PCDH11Y: variants seen among roughly 807,000 people sequenced by gnomAD.
The protein encoded by PCDH11Y is protocadherin 11 Y-linked.
For missense variants in PCDH11Y, 12 were observed against 224.8 expected (o/e 0.05, Z 6.05); for synonymous variants, 9 against 83.6 (o/e 0.11, Z 4.87).
At chrY:5,249,308 CA>C in intron 2 of PCDH11Y, among the ~76,000 whole-genome samples, 1 of 31,656 alleles carries the variant, frequency 3.2e-5, no homozygotes, top group African/African-American at 1.2e-4. Context: ...AAACAAAAAA[CA>C]AAAAAAACAA....
intron 2 of PCDH11Y, among the ~76,000 whole-genome samples, chrY:5,236,499 A>G: frequency 1.2e-4 from 4 of 32,318 alleles, no homozygotes; most frequent in Non-Finnish European, 2.3e-4. Flanking sequence ...AGTTTTTTAT[A>G]TATTTTTAAT....
At chrY:5,148,192 G>GT (rs2052860022) in intron 2 of PCDH11Y, among the ~76,000 whole-genome samples, 1 of 33,145 alleles carries the variant, frequency 3.0e-5, no homozygotes, top group Non-Finnish European at 7.5e-5. Flanking sequence ...TACTGGCTTC[G>GT]TTTTTTGTGG....
At chrY:5,512,883 G>T (rs2053367469) in intron 3 of PCDH11Y, among the ~76,000 whole-genome samples, 1 of 33,264 alleles carries the variant, frequency 3.0e-5, no homozygotes, top group Admixed American at 2.7e-4. Flanking sequence ...ATAGTAAAGT[G>T]CAGAAAAGCA....
chrY:5,280,552 C>A, intron 2 of PCDH11Y, among the ~76,000 whole-genome samples: 1 of 31,195 alleles, frequency 3.2e-5, no homozygotes, highest in Admixed American at 3.0e-4. Context: ...GATTTCATGT[C>A]TTTGCTATTG....
intron 2 of PCDH11Y, among the ~76,000 whole-genome samples, chrY:5,436,172 T>C: frequency 6.0e-5 from 2 of 33,382 alleles, no homozygotes. Context: ...TTAATGTCTG[T>C]CTAACTTTCT....
chrY:5,280,964 G>GT (rs2053053181), intron 2 of PCDH11Y, among the ~76,000 whole-genome samples: 4 of 31,081 alleles, frequency 1.3e-4, no homozygotes, highest in Admixed American at 3.0e-4. Flanking sequence ...TGTTTGTGTG[G>GT]TTTTTTTTTG....
chrY:5,138,320 A>T (rs2052843487), intron 2 of PCDH11Y, among the ~76,000 whole-genome samples: 1 of 32,958 alleles, frequency 3.0e-5, no homozygotes, highest in Non-Finnish European at 7.5e-5. Context: ...GAGCACAAAT[A>T]GATGATCTAA....
intron 2 of PCDH11Y, among the ~76,000 whole-genome samples, chrY:5,130,661 C>T (rs2052832653): frequency 3.1e-5 from 1 of 32,416 alleles, no homozygotes; most frequent in Admixed American, 2.8e-4. Flanking sequence ...GCAGGTGGAT[C>T]AACTGAGGTC....
At chrY:5,705,605 C>CT (rs2053582365) in intron 4 of PCDH11Y, among the ~76,000 whole-genome samples, 2 of 27,306 alleles carry the variant, frequency 7.3e-5, no homozygotes, top group Non-Finnish European at 1.7e-4. Context: ...TTTAATGATA[C>CT]TTTCTTAGAA....
intron 2 of PCDH11Y, among the ~76,000 whole-genome samples, chrY:5,233,530 A>G (rs2124654058): frequency 3.0e-5 from 1 of 33,796 alleles, no homozygotes; most frequent in East Asian, 7.8e-4. Flanking sequence ...AACTCAAAAT[A>G]AAATGAGCAA....
chrY:5,309,270 T>C, intron 2 of PCDH11Y, among the ~76,000 whole-genome samples: 1 of 33,300 alleles, frequency 3.0e-5, no homozygotes, highest in Non-Finnish European at 7.4e-5. Context: ...ACTACCAGTG[T>C]TAGACTACCT....
At chrY:5,032,827 G>T in intron 3 of PCDH11Y, 1 of 195,162 alleles carries the variant, frequency 5.1e-6, no homozygotes, top group Non-Finnish European at 8.2e-6. Flanking sequence ...CATGTTTGAG[G>T]CTTTCATTTT....
chrY:5,240,364 G>A (rs2052986740), intron 2 of PCDH11Y, among the ~76,000 whole-genome samples: 1 of 32,749 alleles, frequency 3.1e-5, no homozygotes, highest in African/African-American at 1.2e-4. Context: ...TTGATATTTT[G>A]ACCTCCTCCC....
At chrY:5,166,201 A>T in intron 2 of PCDH11Y, among the ~76,000 whole-genome samples, 1 of 32,676 alleles carries the variant, frequency 3.1e-5, no homozygotes, top group Non-Finnish European at 7.6e-5. Context: ...AGTTCCTTCT[A>T]TCAGGCCAGC....
At chrY:5,359,037 C>T (rs981751398) in intron 2 of PCDH11Y, among the ~76,000 whole-genome samples, 1 of 2,952 alleles carries the variant, frequency 3.4e-4, no homozygotes, top group African/African-American at 2.8e-3. Flanking sequence ...ATATGTTTTA[C>T]AAAACAAGCA....
intron 2 of PCDH11Y, among the ~76,000 whole-genome samples, chrY:5,170,122 G>A (rs2052885127): frequency 3.1e-5 from 1 of 31,888 alleles, no homozygotes; most frequent in African/African-American, 1.2e-4. Flanking sequence ...TACTAGGAAG[G>A]ATTTGTGATA....
intron 4 of PCDH11Y, among the ~76,000 whole-genome samples, chrY:5,698,745 T>C: frequency 2.7e-4 from 9 of 33,168 alleles, no homozygotes; most frequent in African/African-American, 1.1e-3. Flanking sequence ...CTTCTTTGCA[T>C]TGGGTTGGAA....
At chrY:5,554,449 A>G in intron 3 of PCDH11Y, among the ~76,000 whole-genome samples, 1 of 34,181 alleles carries the variant, frequency 2.9e-5, no homozygotes, top group African/African-American at 1.1e-4. Context: ...CCAAATGTTA[A>G]TCACCAAGAC....
chrY:5,616,230 T>C, intron 4 of PCDH11Y, among the ~76,000 whole-genome samples: 2 of 33,519 alleles, frequency 6.0e-5, no homozygotes, highest in Non-Finnish European at 1.5e-4. Flanking sequence ...ATAGTTAAAG[T>C]GGTAAAGCAG....
Sources: gnomAD v4.1 joint callset for allele counts (sites outside exome capture counted in the v4.1 genomes callset) on GRCh38, gnomAD v4.1.1 for gene constraint, MANE v1.5 for transcripts, NCBI Gene and HGNC (gene_info 2026-07-23, HGNC 2026-07-21) for gene names.